The following HDAC9 variants were observed in gnomAD, a reference collection of about 807,000 sequenced individuals.
HDAC9 encodes MEF-2 interacting transcription repressor (MITR) protein.
Under a neutral mutation model 139.4 loss-of-function variants are expected in HDAC9, and 41 were observed. The ratio of observed to expected loss-of-function variants is 0.29; its 90% CI spans 0.23 to 0.38. The LOEUF is 0.38. HDAC9 is among the 10% of genes least tolerant of loss of function. The probability of loss-of-function intolerance (pLI) is 1.00; values close to 1 mark genes in which losing one functional copy is unlikely to be tolerated. For synonymous variants in HDAC9, 517 were observed against 476.2 expected (o/e 1.09, Z -1.12); for missense variants, 1,147 against 1,297.0 (o/e 0.88, Z 1.78).
intron 12 of HDAC9, among the ~76,000 whole-genome samples, chr7:18,720,364 T>G (rs572097757): frequency 5.3e-5 from 8 of 151,824 alleles, no homozygotes; most frequent in Middle Eastern, 6.8e-3. Context: ...TTTTAATGGA[T>G]TTATTCTTTT....
At position 18,591,641 on chromosome 7, in the gene HDAC9, A is replaced by G. The variant is rs1831016809; in HGVS notation, c.541A>G (p.Thr181Ala). The G allele has an allele frequency of 6.2e-7, 1 of 1,612,856 alleles. No individual in the cohort carries two copies. The highest frequency in any genetic ancestry group is 8.5e-7 in the Non-Finnish European group (1 of 1,179,396). ...SVSRHPKLWY[T>A]AAHHTSLDQS... ...GAGCCGCCATCCCAAGCTCTGGTACACGTATGTTCAGTGTTTGGCTGTTTT... is the reference window on the plus strand; with the variant it reads ...GAGCCGCCATCCCAAGCTCTGGTACGCGTATGTTCAGTGTTTGGCTGTTTT... Residue 181 changes from threonine (T) to alanine (A), a missense_variant and splice_region_variant, in exon 5 of 26, where the codon ACG becomes GCG. By Grantham distance (58) the Thr-to-Ala change is moderately conservative. Around this residue, in one of 7 missense-constraint regions of HDAC9, gnomAD observed 79 missense variants for 65.8 expected, o/e 1.20. Transcript: ENST00000686413.
chr7:18,151,787 T>A (rs1194031510), intron 1 of HDAC9: 2 of 152,184 alleles, frequency 1.3e-5, no homozygotes, highest in Admixed American at 1.3e-4. Flanking sequence ...TGAGATAATT[T>A]TGAGGATAAT....
intron 11 of HDAC9, 63 bp from the exon 12 acceptor site, chr7:18,666,150 A>G (rs1029259549): frequency 8.9e-6 from 13 of 1,466,932 alleles, no homozygotes; most frequent in Non-Finnish European, 1.1e-5. Flanking sequence ...ATCAAAGTGT[A>G]ATTTGCTTCT....
At chr7:18,761,958 A>G (rs773200101) in intron 14 of HDAC9, among the ~76,000 whole-genome samples, 199 bp from the exon 15 acceptor site, 16 of 152,200 alleles carry the variant, frequency 1.1e-4, no homozygotes, top group Non-Finnish European at 2.2e-4. Flanking sequence ...CCATTTAGGT[A>G]TAAGCAATCT....
intron 1 of HDAC9, among the ~76,000 whole-genome samples, chr7:18,302,348 G>A (rs1798596276): frequency 6.6e-6 from 1 of 152,200 alleles, no homozygotes; most frequent in South Asian, 2.1e-4. Flanking sequence ...GAATCCAGAT[G>A]ATGATACGAA....
intron 16 of HDAC9, among the ~76,000 whole-genome samples, chr7:18,778,133 T>C (rs1412320116): frequency 6.6e-6 from 1 of 151,944 alleles, no homozygotes; most frequent in Non-Finnish European, 1.5e-5. Context: ...CAACTCACCA[T>C]AATTTCAACC....
At chr7:18,834,716 C>T (rs999207112) in intron 19 of HDAC9, among the ~76,000 whole-genome samples, 5 of 152,144 alleles carry the variant, frequency 3.3e-5, no homozygotes, top group African/African-American at 1.2e-4. Context: ...CATGCTCCTG[C>T]GTCTTCGACT....
chr7:18,936,778 A>C (rs1486572368), intron 23 of HDAC9, among the ~76,000 whole-genome samples: 1 of 152,178 alleles, frequency 6.6e-6, no homozygotes, highest in African/African-American at 2.4e-5. Flanking sequence ...AAATCTTTTT[A>C]AAAATCTATC....
chr7:18,183,071 G>T (rs985384891), intron 2 of HDAC9, among the ~76,000 whole-genome samples: 1 of 151,068 alleles, frequency 6.6e-6, no homozygotes, highest in Non-Finnish European at 1.5e-5. Flanking sequence ...GTGCAGTGGC[G>T]CAATCTCGGC....
intron 2 of HDAC9, among the ~76,000 whole-genome samples, chr7:18,583,145 A>G (rs1828341342): frequency 6.6e-6 from 1 of 152,044 alleles, no homozygotes; most frequent in Admixed American, 6.6e-5. Context: ...TTGTTTTGTT[A>G]GCTACTTACT....
intron 1 of HDAC9, among the ~76,000 whole-genome samples, chr7:18,441,736 T>C (rs146749186): frequency 4.5e-4 from 69 of 152,076 alleles, no homozygotes; most frequent in African/African-American, 1.6e-3. Context: ...GAAAGGGACA[T>C]ATATATATAC....
intron 12 of HDAC9, among the ~76,000 whole-genome samples, chr7:18,715,389 A>G (rs1220098025): frequency 1.3e-5 from 2 of 152,174 alleles, no homozygotes; most frequent in Non-Finnish European, 2.9e-5. Flanking sequence ...TCCTAGTTCA[A>G]TGACAAAAGA....
chr7:18,920,740 T>C (rs2129296200), intron 22 of HDAC9, among the ~76,000 whole-genome samples: 1 of 152,246 alleles, frequency 6.6e-6, no homozygotes, highest in Non-Finnish European at 1.5e-5. Flanking sequence ...TTTCTGCATC[T>C]ATTGAGATAA....
At chr7:18,109,371 A>G (rs1043751556) in intron 1 of HDAC9, among the ~76,000 whole-genome samples, 7 of 152,232 alleles carry the variant, frequency 4.6e-5, no homozygotes, top group Non-Finnish European at 1.0e-4. Flanking sequence ...GGTAAATTCT[A>G]ACTTCATCTG....
chr7:18,915,804 A>G (rs1321972691), intron 22 of HDAC9, among the ~76,000 whole-genome samples: 1 of 151,768 alleles, frequency 6.6e-6, no homozygotes, highest in Non-Finnish European at 1.5e-5. Flanking sequence ...CAACAACAAA[A>G]TCACTTTTTC....
At chr7:18,862,169 G>T (rs1389530037) in intron 21 of HDAC9, among the ~76,000 whole-genome samples, 1 of 152,176 alleles carries the variant, frequency 6.6e-6, no homozygotes, top group Admixed American at 6.5e-5. Flanking sequence ...GAATCGTTCT[G>T]AAAGGCCAGG....
intron 22 of HDAC9, among the ~76,000 whole-genome samples, chr7:18,877,351 C>T (rs11531457): frequency 6.6e-6 from 1 of 152,152 alleles, no homozygotes; most frequent in Non-Finnish European, 1.5e-5. Context: ...GCAATTAACA[C>T]TGGACTTTCA....
intron 12 of HDAC9, among the ~76,000 whole-genome samples, chr7:18,694,033 T>G (rs1349052175): frequency 6.6e-6 from 1 of 152,188 alleles, no homozygotes; most frequent in Non-Finnish European, 1.5e-5. Context: ...CTTGAATTGC[T>G]AGTACAGTAA....
intron 25 of HDAC9, 132 bp downstream of exon 25, chr7:18,976,085 A>G: frequency 2.5e-6 from 2 of 808,544 alleles, no homozygotes; most frequent in Admixed American, 2.7e-5. Flanking sequence ...CCAAAGCCAC[A>G]GATGCCACAG....
Sources: gnomAD v4.1 joint callset for allele counts (sites outside exome capture counted in the v4.1 genomes callset) on GRCh38, gnomAD v4.1.1 for gene constraint, gnomAD v4.1.1 regional missense constraint, MANE v1.5 for transcripts, NCBI Gene and HGNC (gene_info 2026-07-23, HGNC 2026-07-21) for gene names.